Variants in STIM2 observed in about 807,000 individuals in gnomAD.
The protein encoded by STIM2 is stromal interaction molecule 2.
Under a neutral mutation model 85.8 loss-of-function variants are expected in STIM2, and 31 were observed. That is an observed-to-expected ratio of 0.36 (90% CI 0.27 to 0.49). The LOEUF is 0.49. Ranked by LOEUF, STIM2 falls within the 20% of genes least tolerant of loss-of-function variation. STIM2 has a pLI of 0.98. For synonymous variants in STIM2, 356 were observed against 331.1 expected (o/e 1.08, Z -0.82); for missense variants, 841 against 927.6 (o/e 0.91, Z 1.21).
chr4:26,991,982 G>T (rs1366115721), intron 3 of STIM2, among the ~76,000 whole-genome samples: 1 of 152,016 alleles, frequency 6.6e-6, no homozygotes, highest in African/African-American at 2.4e-5. Context: ...ATCTCTCTCT[G>T]CTTGCCCTCT....
In STIM2 at chr4:26,995,417, A is replaced by G. The variant is rs375787750; in HGVS notation, c.436A>G (p.Ile146Val). 4.7e-5 allele frequency: 75 copies of G among 1,602,224 alleles called. No individual in the cohort carries two copies. Among genetic ancestry groups the G allele is most frequent in the Non-Finnish European group, 6.4e-5 (75 of 1,174,632 alleles). The change falls in exon 4 of 12, where the codon ATA (isoleucine) becomes GTA (valine). Residue 146 changes from isoleucine to valine, a missense_variant. Ile to Val is a conservative substitution (Grantham distance 29). This residue lies in a region of STIM2 where 408 missense variants were observed against 525.4 expected (regional missense o/e 0.78). Transcript: ENST00000467087. Reference sequence around the variant, plus strand: ...CCTTGAAGACACTCTTCAGTGGTTGATAGAGTTTGTTGAACTACCCCAATA... The same window carrying G: ...CCTTGAAGACACTCTTCAGTGGTTGGTAGAGTTTGTTGAACTACCCCAATA...
intron 2 of STIM2, 58 bp from the exon 3 acceptor site, chr4:26,957,554 T>C (rs2109093417): frequency 9.9e-7 from 1 of 1,009,610 alleles, no homozygotes; most frequent in East Asian, 2.9e-5. Flanking sequence ...TCTTTTTCTC[T>C]AGTTGTCAAG....
intron 1 of STIM2, among the ~76,000 whole-genome samples, chr4:26,898,946 G>GT (rs145070040): frequency 3.5e-4 from 52 of 147,926 alleles, no homozygotes; most frequent in African/African-American, 5.7e-4. Context: ...GCAAATGACA[G>GT]TTTTTTTTTT....
chr4:27,003,457 G>A (rs1728228731), intron 7 of STIM2, among the ~76,000 whole-genome samples: 1 of 152,104 alleles, frequency 6.6e-6, no homozygotes, highest in African/African-American at 2.4e-5. Context: ...CTCTGCAAAG[G>A]TAAAGGATCT....
At chr4:26,957,429 G>A (rs1309291111) in intron 2 of STIM2, among the ~76,000 whole-genome samples, 183 bp from the exon 3 acceptor site, 1 of 152,118 alleles carries the variant, frequency 6.6e-6, no homozygotes, top group Non-Finnish European at 1.5e-5. Flanking sequence ...ACGATTAGTA[G>A]CAGAAGACAT....
At chr4:26,895,636 C>T (rs2014441595) in intron 1 of STIM2, among the ~76,000 whole-genome samples, 1 of 152,080 alleles carries the variant, frequency 6.6e-6, no homozygotes, top group South Asian at 2.1e-4. Flanking sequence ...TTTAAGTCTC[C>T]ATCTTGCACT....
chr4:26,968,449 C>T (rs997607696), intron 3 of STIM2, among the ~76,000 whole-genome samples: 2 of 152,200 alleles, frequency 1.3e-5, no homozygotes, highest in African/African-American at 2.4e-5. Context: ...ATTCTACTTC[C>T]GTGAGGTACT....
chr4:26,880,600 C>CATATATAAAAATATATATGTAAAT (rs1722966727), intron 1 of STIM2, among the ~76,000 whole-genome samples: 1 of 95,706 alleles, frequency 1.0e-5, no homozygotes, highest in African/African-American at 4.4e-5. Context: ...CATAAACCTT[C>CATATATAAAAATATATATGTAAAT]ATATATATAA....
At chr4:26,929,339 A>C (rs939886314) in intron 2 of STIM2, among the ~76,000 whole-genome samples, 2 of 152,174 alleles carry the variant, frequency 1.3e-5, no homozygotes, top group African/African-American at 2.4e-5. Flanking sequence ...CTTGTACTAT[A>C]GTCCTTCAGT....
At chr4:26,896,240 A>G (rs1353063316) in intron 1 of STIM2, among the ~76,000 whole-genome samples, 1 of 152,168 alleles carries the variant, frequency 6.6e-6, no homozygotes, top group Admixed American at 6.5e-5. Flanking sequence ...CATCTCTTTG[A>G]CTGCTTTTAA....
intron 11 of STIM2, chr4:27,021,197 C>T (rs1448715706): frequency 6.8e-6 from 5 of 731,860 alleles, no homozygotes; most frequent in Non-Finnish European, 1.1e-5. Flanking sequence ...TCTTCTAGTG[C>T]AGAGAAGACA....
In STIM2 at chr4:26,919,679, G is replaced by A; in HGVS notation, c.282+45G>A. The A allele has an allele frequency of 1.9e-6, 3 of 1,595,986 alleles. No homozygotes were observed. In the South Asian group the frequency reaches 3.4e-5, roughly 18 times the overall value. On this transcript the variant is annotated intron_variant, in intron 2 of 11. Coordinates refer to ENST00000467087, the MANE Select transcript of STIM2 (RefSeq NM_020860.4). ...CCTTGCTATTGTCTTAGAACAGAAT[G>A]ACTGCATTTCTGTTTCTGGTCTTCA...
intron 2 of STIM2, among the ~76,000 whole-genome samples, chr4:26,951,445 A>G (rs1456054090): frequency 6.6e-6 from 1 of 152,132 alleles, no homozygotes; most frequent in Non-Finnish European, 1.5e-5. Context: ...GAACTCATTT[A>G]GGGCAGTCAT....
intron 1 of STIM2, among the ~76,000 whole-genome samples, chr4:26,893,283 A>C (rs894010212): frequency 6.6e-6 from 1 of 151,656 alleles, no homozygotes; most frequent in African/African-American, 2.4e-5. Context: ...CTTAATCACA[A>C]CCTCTCCTAC....
rs202153044 is a variant in STIM2, at chr4:26,957,604, T to A, written c.283-8T>A. On this transcript the variant is annotated splice_region_variant and splice_polypyrimidine_tract_variant and intron_variant, in intron 2 of 11. Transcript: ENST00000467087. Reference sequence around the variant, plus strand: ...TTTATATTTAACTTAATGTTTTCTCTTCTATAGTTCATCAGAGAAGATATG... The same window carrying A: ...TTTATATTTAACTTAATGTTTTCTCATCTATAGTTCATCAGAGAAGATATG... The A allele has an allele frequency of 1.4e-6, 2 of 1,429,742 alleles. No homozygotes were observed. The highest frequency in any genetic ancestry group is 1.9e-6 in the Non-Finnish European group (2 of 1,054,808). 88.6% of individuals were successfully genotyped at this position (1,429,742 alleles called of 1,614,324 possible).
chr4:26,868,680 T>C (rs1181579043), intron 1 of STIM2, among the ~76,000 whole-genome samples: 1 of 152,180 alleles, frequency 6.6e-6, no homozygotes, highest in Non-Finnish European at 1.5e-5. Flanking sequence ...ATTACTGTCT[T>C]TTTTTTCTTT....
chr4:26,894,888 T>A (rs772524976), intron 1 of STIM2, among the ~76,000 whole-genome samples: 1 of 152,216 alleles, frequency 6.6e-6, no homozygotes, highest in Non-Finnish European at 1.5e-5. Flanking sequence ...GACATACTTA[T>A]AACATTCAGT....
chr4:27,021,475 C>T (rs180841533), intron 11 of STIM2: 3 of 456,530 alleles, frequency 6.6e-6, no homozygotes, highest in Middle Eastern at 3.3e-4. Flanking sequence ...TGAGGGGTCT[C>T]GAGGTTGGCA....
intron 1 of STIM2, among the ~76,000 whole-genome samples, chr4:26,888,896 A>G (rs1723358839): frequency 6.6e-6 from 1 of 152,214 alleles, no homozygotes; most frequent in Admixed American, 6.5e-5. Flanking sequence ...CTTAGTAACC[A>G]GCAACCCTGG....
Sources: gnomAD v4.1 joint callset for allele counts (sites outside exome capture counted in the v4.1 genomes callset) on GRCh38, gnomAD v4.1.1 for gene constraint, gnomAD v4.1.1 regional missense constraint, MANE v1.5 for transcripts, NCBI Gene and HGNC (gene_info 2026-07-23, HGNC 2026-07-21) for gene names.